The following WWP2 variants were observed in gnomAD, a reference collection of about 807,000 sequenced individuals.
The protein encoded by WWP2 is NEDD4-like E3 ubiquitin-protein ligase WWP2.
A neutral mutation model predicts 121.0 loss-of-function variants in WWP2; 57 were observed. The observed-to-expected ratio is 0.47, with a 90% CI of 0.38 to 0.59. WWP2 has a LOEUF of 0.59. WWP2 is among the 20% of genes least tolerant of loss of function. WWP2 has a pLI of 0.00. For missense variants in WWP2, 962 were observed against 1,158.9 expected, an observed-to-expected ratio of 0.83 and a Z score of 2.47; for synonymous variants, 449 against 441.3, an observed-to-expected ratio of 1.02 and a Z score of -0.22.
intron 4 of WWP2, among the ~76,000 whole-genome samples, chr16:69,803,074 T>C (rs1027601792): frequency 6.6e-6 from 1 of 151,820 alleles, no homozygotes; most frequent in African/African-American, 2.4e-5. Context: ...TGGCATATAT[T>C]GGATATTACT....
intron 4 of WWP2, among the ~76,000 whole-genome samples, chr16:69,800,875 T>A (rs995885663): frequency 4.6e-5 from 7 of 150,792 alleles, no homozygotes; most frequent in Non-Finnish European, 1.0e-4. Flanking sequence ...TGATAGTTAT[T>A]CTTAATGTTT....
In WWP2 at chr16:69,925,599, C is replaced by T; in HGVS notation, c.1234+115C>T. ...TGTCCCTCTGTTTTCCATCTCTCCC[C>T]TCTCCAGCACACTCTCTGGGCATGC... On this transcript the variant is annotated intron_variant, in intron 11 of 23. Transcript: ENST00000359154. The surrounding 1 kb of genome is among the most constrained non-coding windows in gnomAD (Gnocchi z 4.0). The T allele has an allele frequency of 7.5e-7, 1 of 1,339,144 alleles. No homozygotes were observed. The allele number at this position is 1,339,144 out of a possible 1,614,324, so 83.0% of individuals were successfully genotyped here. A position where few individuals can be genotyped will look rare whatever the true frequency, so the allele number is the denominator to read the frequency against.
chr16:69,841,910 TG>T, intron 5 of WWP2, 113 bp from the exon 6 acceptor site: 1 of 979,556 alleles, frequency 1.0e-6, no homozygotes, highest in Non-Finnish European at 1.5e-6. Context: ...CCATATCCCG[TG>T]GTGGTGGGCA....
At position 69,936,408 on chromosome 16, in the gene WWP2, C is replaced by T. The variant is rs781213004; in HGVS notation, c.2073C>T (p.Gly691=). The change falls in exon 19 of 24, where the codon GGC becomes GGT. Residue 691 remains glycine, a synonymous_variant. Coordinates refer to ENST00000359154, the MANE Select transcript of WWP2 (RefSeq NM_001270454.2). ...CGACCCACGAGCTGAAGGAGGGCGGCGAGAGCATCCGGGTCACAGAGGAGA... is the reference window on the plus strand; with the variant it reads ...CGACCCACGAGCTGAAGGAGGGCGGTGAGAGCATCCGGGTCACAGAGGAGA... ...KVTTHELKEG[G]ESIRVTEENK... is the part of the protein sequence containing the mutation. 7 of 1,614,048 alleles carry T rather than the reference C, an allele frequency of 4.3e-6. No individual in the cohort carries two copies. Among genetic ancestry groups the T allele is most frequent in the East Asian group, 2.2e-5 (1 of 44,880 alleles).
chr16:69,900,523 A>G lies in WWP2; in HGVS notation c.915-8238A>G, dbSNP rs975032522. On this transcript the variant is annotated intron_variant, in intron 8 of 23. Transcript: ENST00000359154. The stretch of plus-strand genomic sequence containing the variant: ...AGATGCATATATTTTAATGTTGCCA[A>G]CTTTTTTTTTTTTCTTTGAGACAGA... 2.0e-5 allele frequency among the ~76,000 whole-genome samples: 3 copies of G among 148,304 alleles called. No homozygotes were observed. The East Asian group carries it at 5.8e-4, about 29-fold the overall frequency.
intron 9 of WWP2, 80 bp from the exon 10 acceptor site, chr16:69,917,629 T>G: frequency 6.5e-7 from 1 of 1,532,258 alleles, no homozygotes; most frequent in Non-Finnish European, 8.9e-7. Flanking sequence ...CCGGCTGTGC[T>G]AGGCATCCTG....
At chr16:69,788,799 C>G (rs1567665549) in intron 2 of WWP2, among the ~76,000 whole-genome samples, 1 of 152,122 alleles carries the variant, frequency 6.6e-6, no homozygotes, top group Non-Finnish European at 1.5e-5. Flanking sequence ...GTTAACTACC[C>G]CAGCCAGTAG....
At chr16:69,806,062 G>A (rs954232472) in intron 4 of WWP2, among the ~76,000 whole-genome samples, 1 of 150,382 alleles carries the variant, frequency 6.6e-6, no homozygotes, top group African/African-American at 2.5e-5. Flanking sequence ...TTAGCCAGGT[G>A]TGATGGTGTA....
chr16:69,907,717 A>G (rs1220286394), intron 8 of WWP2, among the ~76,000 whole-genome samples: 1 of 152,158 alleles, frequency 6.6e-6, no homozygotes, highest in East Asian at 1.9e-4. Context: ...ATCACCTGCT[A>G]CCTTGGCATT....
At chr16:69,889,001 C>T (rs995284128) in intron 8 of WWP2, among the ~76,000 whole-genome samples, 17 of 152,208 alleles carry the variant, frequency 1.1e-4, no homozygotes, top group Non-Finnish European at 2.1e-4. Flanking sequence ...CCACCACACC[C>T]GGCCCTCTTG....
chr16:69,927,867 G>A (rs1297025804), intron 11 of WWP2, among the ~76,000 whole-genome samples: 2 of 152,016 alleles, frequency 1.3e-5, no homozygotes, highest in African/African-American at 2.4e-5. Flanking sequence ...TCGCTGTGTT[G>A]CCCAGGCTGG....
chr16:69,775,409 A>G (rs2055504414), intron 1 of WWP2, among the ~76,000 whole-genome samples: 1 of 152,140 alleles, frequency 6.6e-6, no homozygotes, highest in African/African-American at 2.4e-5. Flanking sequence ...GGGGTAAGGT[A>G]TCTTAAACCC....
At chr16:69,900,216 A>C (rs2058181844) in intron 8 of WWP2, among the ~76,000 whole-genome samples, 1 of 152,216 alleles carries the variant, frequency 6.6e-6, no homozygotes, top group African/African-American at 2.4e-5. Context: ...TCACATAATA[A>C]AGGTTTTTTG....
At position 69,937,664 on chromosome 16, in the gene WWP2, G is replaced by A. The variant is rs1222036590; in HGVS notation, c.2343+12G>A. ...AGTGGTTCTGGCAGGTGGGTCCCGGGCCCAGGCCTTGGCAGGGACATTTGG... is the reference window on the plus strand; with the variant it reads ...AGTGGTTCTGGCAGGTGGGTCCCGGACCCAGGCCTTGGCAGGGACATTTGG... On this transcript the variant is annotated intron_variant, in intron 21 of 23. Coordinates refer to ENST00000359154, the MANE Select transcript of WWP2 (RefSeq NM_001270454.2). This position sits in a 1 kb window ranked among gnomAD's most constrained non-coding sequence, Gnocchi z 6.6. The A allele has an allele frequency of 3.1e-6, 5 of 1,613,442 alleles. No individual in the cohort carries two copies. In the Admixed American group the frequency reaches 6.7e-5, roughly 22 times the overall value.
intron 6 of WWP2, among the ~76,000 whole-genome samples, chr16:69,871,348 C>T (rs7193149): frequency 0.043 from 6,530 of 152,246 alleles, 412 homozygotes; most frequent in African/African-American, 0.14. Context: ...GTTTAATGCC[C>T]CTTGACTTTT....
At chr16:69,768,638 C>A (rs998129886) in intron 1 of WWP2, among the ~76,000 whole-genome samples, 2 of 152,038 alleles carry the variant, frequency 1.3e-5, no homozygotes, top group African/African-American at 4.8e-5. Flanking sequence ...TAAAAAATAA[C>A]AAGTACCAAG....
At chr16:69,842,200 C>A in intron 6 of WWP2, 80 bp downstream of exon 6, 1 of 1,355,318 alleles carries the variant, frequency 7.4e-7, no homozygotes, top group Non-Finnish European at 1.0e-6. Flanking sequence ...TGGCGGGGAA[C>A]ATTTTATGGT....
At position 69,931,810 on chromosome 16, in the gene WWP2, C is replaced by T. The variant is rs1213435592; in HGVS notation, c.1602C>T (p.Asn534=). The change falls in exon 16 of 24, where the codon AAC becomes AAT. Residue 534 remains asparagine, a synonymous_variant. Coordinates refer to ENST00000359154, the MANE Select transcript of WWP2 (RefSeq NM_001270454.2). ...ATGCTCTGTCTTCCCAGATCATGAA[C>T]ATGAAACCCTATGACCTGCGCCGCC... The part of the protein sequence containing the change: ...LFEDSFQQIM[N]MKPYDLRRRL... 3.7e-6 allele frequency: 6 copies of T among 1,613,620 alleles called. No homozygotes were observed. Among genetic ancestry groups the T allele is most frequent in the Non-Finnish European group, 4.2e-6 (5 of 1,180,020 alleles).
Position 69,799,222 on chromosome 16 carries a change from T to C in WWP2, c.267T>C (p.His89=). ...SHLDLKVWSC[H]TLRNELLGTA... is the part of the protein sequence containing the mutation. ...TAGATTTAAAGGTCTGGAGCTGCCA[T>C]ACCTTGAGAAATGAACTGCTAGGCA... The change falls in exon 4 of 24, where the codon CAT becomes CAC. Residue 89 remains histidine, a synonymous_variant. Transcript: ENST00000359154. The surrounding 1 kb of genome is among the most constrained non-coding windows in gnomAD (Gnocchi z 4.5). The C allele has an allele frequency of 6.2e-7, 1 of 1,614,098 alleles. No individual in the cohort carries two copies. Among genetic ancestry groups the C allele is most frequent in the African/African-American group, 1.3e-5 (1 of 75,036 alleles).
Sources: allele counts gnomAD v4.1 joint callset (sites outside exome capture counted in the v4.1 genomes callset), GRCh38; gene constraint gnomAD v4.1.1; non-coding constraint Gnocchi (gnomAD v3.1); transcripts MANE v1.5; gene names NCBI Gene and HGNC (gene_info 2026-07-23, HGNC 2026-07-21).